Variants in SGCZ observed in about 807,000 individuals in gnomAD.
SGCZ encodes the protein zeta-sarcoglycan.
A neutral mutation model predicts 41.3 loss-of-function variants in SGCZ; 40 were observed. The observed-to-expected ratio is 0.97, with a 90% CI of 0.75 to 1.26. SGCZ has a LOEUF of 1.26. Among genes scored for constraint, SGCZ ranks in the 50% most tolerant of loss-of-function variants. The pLI is 0.00. For synonymous variants in SGCZ, 206 were observed against 137.5 expected (o/e 1.50, Z -3.49); for missense variants, 552 against 369.8 (o/e 1.49, Z -4.04).
At chr8:14,205,870 CA>C (rs761637951) in intron 4 of SGCZ, among the ~76,000 whole-genome samples, 27 of 151,984 alleles carry the variant, frequency 1.8e-4, no homozygotes, top group Non-Finnish European at 3.4e-4. Flanking sequence ...AAGATATTTT[CA>C]TAAAAAACAA....
intron 3 of SGCZ, among the ~76,000 whole-genome samples, chr8:14,261,546 G>A (rs1799667062): frequency 1.3e-5 from 2 of 152,124 alleles, no homozygotes; most frequent in African/African-American, 4.8e-5. Context: ...GCCTCTGTAA[G>A]AACAATGCAA....
chr8:14,512,030 G>C (rs1802481922), intron 2 of SGCZ, among the ~76,000 whole-genome samples: 1 of 152,112 alleles, frequency 6.6e-6, no homozygotes. Context: ...CAACATTCTT[G>C]GATGTGAAAT....
chr8:15,200,688 A>T (rs1049074922), intron 1 of SGCZ, among the ~76,000 whole-genome samples: 33 of 152,206 alleles, frequency 2.2e-4, no homozygotes, highest in African/African-American at 8.0e-4. Context: ...AGATCAAAAC[A>T]TAGTAGATCA....
intron 1 of SGCZ, among the ~76,000 whole-genome samples, chr8:14,702,916 G>A (rs999676543): frequency 1.4e-5 from 2 of 141,010 alleles, no homozygotes; most frequent in African/African-American, 5.4e-5. Context: ...CAGGTAGGTA[G>A]TTAGGTAGGT....
At position 14,359,749 on chromosome 8, in the gene SGCZ, G is replaced by T. The variant is rs535324491; in HGVS notation, c.235-35545C>A. On this transcript the variant is annotated intron_variant, in intron 2 of 7. Coordinates refer to ENST00000382080, the MANE Select transcript of SGCZ (RefSeq NM_139167.4). ...AAACTATTCCAAAAAAACAGAGGAG[G>T]AGGGAACACTTCTAAATTTATTCTA... Among the ~76,000 whole-genome samples, 14 of 151,224 alleles carry T rather than the reference G, an allele frequency of 9.3e-5. No homozygotes were observed. The East Asian group carries it at 2.2e-3, about 23-fold the overall frequency.
intron 2 of SGCZ, among the ~76,000 whole-genome samples, chr8:14,387,868 T>G (rs1585438093): frequency 6.6e-6 from 1 of 152,072 alleles, no homozygotes; most frequent in East Asian, 1.9e-4. Context: ...AGAATACAAA[T>G]AATAAATGTA....
At chr8:14,268,945 A>G (rs1416794640) in intron 3 of SGCZ, among the ~76,000 whole-genome samples, 2 of 151,808 alleles carry the variant, frequency 1.3e-5, no homozygotes, top group African/African-American at 2.4e-5. Context: ...TATTAAGTAT[A>G]TATCTTAAGT....
intron 1 of SGCZ, among the ~76,000 whole-genome samples, chr8:14,980,051 C>G (rs548787868): frequency 2.6e-5 from 4 of 152,152 alleles, no homozygotes; most frequent in African/African-American, 9.6e-5. Flanking sequence ...AATGCAGATA[C>G]CAAAATTTTG....
At chr8:14,973,477 G>C (rs1395125822) in intron 1 of SGCZ, among the ~76,000 whole-genome samples, 1 of 152,134 alleles carries the variant, frequency 6.6e-6, no homozygotes, top group Non-Finnish European at 1.5e-5. Context: ...TATGCCAATT[G>C]TCTTGAATAA....
chr8:14,861,613 T>A (rs1420431021), intron 1 of SGCZ, among the ~76,000 whole-genome samples: 8 of 152,288 alleles, frequency 5.3e-5, no homozygotes, highest in East Asian at 1.9e-4. Flanking sequence ...AATATCATTT[T>A]GACTACCTGA....
chr8:15,067,794 C>A (rs925869665), intron 1 of SGCZ, among the ~76,000 whole-genome samples: 4 of 152,082 alleles, frequency 2.6e-5, no homozygotes, highest in African/African-American at 9.7e-5. Flanking sequence ...TAAAGGTGAG[C>A]CATCATCACA....
chr8:14,655,434 C>G (rs1395823755), intron 1 of SGCZ, among the ~76,000 whole-genome samples: 1 of 152,004 alleles, frequency 6.6e-6, no homozygotes, highest in Non-Finnish European at 1.5e-5. Flanking sequence ...ACTTGAGGGA[C>G]AAATAACCAA....
rs538664285 is a variant in SGCZ at position 14,358,713 on chromosome 8, G to C, written c.235-34509C>G. On this transcript the variant is annotated intron_variant, in intron 2 of 7. Transcript: ENST00000382080. ...TGCAACTTCCACCTCTCGGGTTCAA[G>C]CAATTCTCTGCCTCAGCCTCCTGAG... Among the ~76,000 whole-genome samples, 246 of 152,208 alleles carry C rather than the reference G, an allele frequency of 1.6e-3. 2 individuals are homozygous for C. The highest frequency in any genetic ancestry group is 5.2e-3 in the African/African-American group (217 of 41,536).
intron 2 of SGCZ, among the ~76,000 whole-genome samples, chr8:14,441,222 G>C (rs73517470): frequency 2.0e-5 from 3 of 152,066 alleles, no homozygotes; most frequent in African/African-American, 7.2e-5. Context: ...CCAAATTACA[G>C]ATTTTCCTCT....
chr8:14,357,006 G>C (rs555782561), intron 2 of SGCZ, among the ~76,000 whole-genome samples: 1 of 152,038 alleles, frequency 6.6e-6, no homozygotes, highest in African/African-American at 2.4e-5. Flanking sequence ...GGCCAACAAA[G>C]TGATAAATGA....
chr8:15,237,498 C>G lies in SGCZ; in HGVS notation c.39+87G>C, dbSNP rs1452127976. Reference sequence around the variant, plus strand: ...CGTCCCGCGGGACCACCAACTACTCCGCGCCGCTGGAGGAGCCGCGGGAAG... The same window carrying G: ...CGTCCCGCGGGACCACCAACTACTCGGCGCCGCTGGAGGAGCCGCGGGAAG... On this transcript the variant is annotated intron_variant, in intron 1 of 7. Transcript: ENST00000382080. 7 of 1,488,940 alleles carry G rather than the reference C, an allele frequency of 4.7e-6. No homozygotes were observed. The African/African-American group carries it at 8.3e-5, about 18-fold the overall frequency. The allele number at this position is 1,488,940 out of a possible 1,614,324, so 92.2% of individuals were successfully genotyped here.
At chr8:15,231,873 T>C (rs1339325438) in intron 1 of SGCZ, among the ~76,000 whole-genome samples, 1 of 152,094 alleles carries the variant, frequency 6.6e-6, no homozygotes, top group Non-Finnish European at 1.5e-5. Context: ...CCACCTGCCT[T>C]GGCCTTCCAA....
At chr8:14,516,866 A>G (rs1802637359) in intron 2 of SGCZ, among the ~76,000 whole-genome samples, 2 of 152,074 alleles carry the variant, frequency 1.3e-5, no homozygotes. Context: ...GATTATTGAT[A>G]ACTATTTTAT....
intron 1 of SGCZ, among the ~76,000 whole-genome samples, chr8:14,622,561 ATCT>A (rs1184393355): frequency 6.6e-6 from 1 of 152,078 alleles, no homozygotes. Flanking sequence ...ATGATTTTTC[ATCT>A]TCTTTTATTC....
Sources: allele counts gnomAD v4.1 joint callset (sites outside exome capture counted in the v4.1 genomes callset), GRCh38; gene constraint gnomAD v4.1.1; transcripts MANE v1.5; gene names NCBI Gene and HGNC (gene_info 2026-07-23, HGNC 2026-07-21).